Variants in OTOGL observed in about 807,000 individuals in gnomAD.
OTOGL encodes otogelin-like protein.
Under a neutral mutation model 318.5 loss-of-function variants are expected in OTOGL, and 285 were observed. That is an observed-to-expected ratio of 0.89 (90% CI 0.81 to 0.99). OTOGL has a LOEUF of 0.99. OTOGL is among the 50% of genes least tolerant of loss of function. OTOGL has a pLI of 0.00. For synonymous variants in OTOGL, 987 were observed against 936.5 expected, an observed-to-expected ratio of 1.05 and a Z score of -0.99; for missense variants, 2,899 against 2,845.6, an observed-to-expected ratio of 1.02 and a Z score of -0.43.
At chr12:80,147,989 TG>T (rs1872518546) in intron 1 of OTOGL, among the ~76,000 whole-genome samples, 1 of 152,316 alleles carries the variant, frequency 6.6e-6, no homozygotes, top group African/African-American at 2.4e-5. Context: ...AGCACACTGA[TG>T]GGTCTTGACT....
At chr12:80,257,749 C>CCT in intron 17 of OTOGL, 76 bp from the exon 18 acceptor site, 1 of 1,253,200 alleles carries the variant, frequency 8.0e-7, no homozygotes, top group Non-Finnish European at 1.1e-6. Flanking sequence ...GAAGAGAGTC[C>CCT]TGGTGGTGTA....
chr12:80,265,413 C>A, intron 20 of OTOGL: 1 of 609,132 alleles, frequency 1.6e-6, no homozygotes, highest in Non-Finnish European at 2.8e-6. Flanking sequence ...TAACTTTTGA[C>A]TAGTTTTGTA....
At chr12:80,153,561 C>A (rs1464732484) in intron 1 of OTOGL, among the ~76,000 whole-genome samples, 1 of 152,116 alleles carries the variant, frequency 6.6e-6, no homozygotes, top group African/African-American at 2.4e-5. Flanking sequence ...TCATAATCAC[C>A]CAAAGTCCAT....
At chr12:80,128,750 T>TC (rs1226550305) in intron 1 of OTOGL, among the ~76,000 whole-genome samples, 1 of 152,028 alleles carries the variant, frequency 6.6e-6, no homozygotes, top group Non-Finnish European at 1.5e-5. Context: ...CGGGCACCCG[T>TC]CCCCCAGCCT....
chr12:80,101,108 C>T (rs1375117510), intron 1 of OTOGL, among the ~76,000 whole-genome samples: 1 of 152,128 alleles, frequency 6.6e-6, no homozygotes, highest in East Asian at 1.9e-4. Flanking sequence ...AAAAAGTGAG[C>T]TTCTGTTGCT....
intron 29 of OTOGL, among the ~76,000 whole-genome samples, chr12:80,308,266 C>T (rs1286247874): frequency 6.6e-6 from 1 of 150,700 alleles, no homozygotes; most frequent in African/African-American, 2.4e-5. Flanking sequence ...GGCTGCCGGG[C>T]GGAGGGGCTC....
intron 38 of OTOGL, 49 bp downstream of exon 38, chr12:80,333,127 C>G: frequency 6.8e-7 from 1 of 1,477,496 alleles, no homozygotes; most frequent in Non-Finnish European, 9.3e-7. Context: ...CATATATCAT[C>G]CATTCAAATT....
chr12:80,177,391 C>T (rs190718284), intron 1 of OTOGL, among the ~76,000 whole-genome samples: 2 of 152,252 alleles, frequency 1.3e-5, no homozygotes, highest in Non-Finnish European at 2.9e-5. Context: ...ATTGAATTGC[C>T]TCAGCACCTT....
In OTOGL at chr12:80,368,189, A is replaced by G; in HGVS notation, c.6511-16A>G. On this transcript the variant is annotated splice_polypyrimidine_tract_variant and intron_variant, in intron 54 of 58. Coordinates refer to ENST00000547103, the MANE Select transcript of OTOGL (RefSeq NM_001378609.3). ...ATATTGATATGGTGTCGCTAATCTA[A>G]TATCATTATATGCAGCACCAGGTAT... 2 of 1,530,390 alleles carry G rather than the reference A, an allele frequency of 1.3e-6. No individual in the cohort carries two copies. Among genetic ancestry groups the G allele is most frequent in the African/African-American group, 2.7e-5 (2 of 73,178 alleles). 94.8% of individuals were successfully genotyped at this position (1,530,390 alleles called of 1,614,324 possible). A position where few individuals can be genotyped will look rare whatever the true frequency, so the allele number is the denominator to read the frequency against.
chr12:80,126,198 C>T (rs1231813505), intron 1 of OTOGL, among the ~76,000 whole-genome samples: 2 of 152,096 alleles, frequency 1.3e-5, no homozygotes, highest in Non-Finnish European at 2.9e-5. Context: ...TTTCCCTCTA[C>T]ACACTGCTTT....
At position 80,320,434 on chromosome 12, in the gene OTOGL, T is replaced by A. The variant is rs1000589773; in HGVS notation, c.3815T>A (p.Val1272Asp). 3.1e-6 allele frequency: 5 copies of A among 1,612,222 alleles called. No homozygotes were observed. The African/African-American group carries it at 6.7e-5, about 22-fold the overall frequency. Reference protein sequence around the residue: ...FKEKVSSLALVSLESAERPNY... With the variant: ...FKEKVSSLALDSLESAERPNY... ...CTATATTTTACAGCATTAGCACTTG[T>A]TTCCTTGGAATCTGCTGAAAGGCCA... Residue 1272 changes from valine to aspartate, a missense_variant, in exon 34 of 59, where the codon GTT (valine) becomes GAT (aspartate). Coordinates refer to ENST00000547103, the MANE Select transcript of OTOGL (RefSeq NM_001378609.3).
rs1424765292 is a variant in OTOGL at position 80,310,839 on chromosome 12, A to G, written c.3450+112A>G. Reference sequence around the variant, plus strand: ...GATCCACTGGCTTTTTAGATATACCACCTAACTATTGTTAGGGGGGCATAT... The same window carrying G: ...GATCCACTGGCTTTTTAGATATACCGCCTAACTATTGTTAGGGGGGCATAT... On this transcript the variant is annotated intron_variant, in intron 30 of 58. Transcript: ENST00000547103. 6.6e-6 allele frequency: 5 copies of G among 762,026 alleles called. No individual in the cohort carries two copies. The East Asian group carries it at 8.3e-5, about 13-fold the overall frequency. 47.2% of individuals were successfully genotyped at this position (762,026 alleles called of 1,614,324 possible).
At position 80,105,150 on chromosome 12, in the gene OTOGL, G is replaced by GA. The variant is rs200940002; in HGVS notation, c.-20+5554dup. 1.0e-3 allele frequency among the ~76,000 whole-genome samples: 153 copies of GA among 150,762 alleles called. 1 individual carries two copies. Among genetic ancestry groups the GA allele is most frequent in the Admixed American group, 3.0e-3 (46 of 15,096 alleles). On this transcript the variant is annotated intron_variant, in intron 1 of 58. Coordinates refer to ENST00000547103, the MANE Select transcript of OTOGL (RefSeq NM_001378609.3). ...AACTGAAATTAAGAAAGTATGCTGA[G>GA]AAAAAAAAACATGACTAAATTAGCA...
Position 80,270,111 on chromosome 12 carries a change from A to C in OTOGL, c.2475A>C (p.Ser825=). Residue 825 remains serine, a synonymous_variant, in exon 23 of 59, where the codon TCA becomes TCC. Coordinates refer to ENST00000547103, the MANE Select transcript of OTOGL (RefSeq NM_001378609.3). ...IPTPSGLCQC[S]NGTVKCDELA... ...ATTTATTTACTTCTAGCCAGTGTTC[A>C]AATGGGACTGTGAAATGTGATGAAT... is the stretch of plus-strand genomic sequence containing the variant. 6.2e-7 allele frequency: 1 copy of C among 1,602,298 alleles called. No homozygotes were observed. The highest frequency in any genetic ancestry group is 2.2e-5 in the East Asian group (1 of 44,788).
rs1370740302 is a variant in OTOGL at position 80,267,236 on chromosome 12, AC to A, written c.2391-16del. The A allele has an allele frequency of 6.8e-7, 1 of 1,471,316 alleles. No homozygotes were observed. Among genetic ancestry groups the A allele is most frequent in the Admixed American group, 2.0e-5 (1 of 49,796 alleles). The allele number at this position is 1,471,316 out of a possible 1,614,324, so 91.1% of individuals were successfully genotyped here. A position where few individuals can be genotyped will look rare whatever the true frequency, so the allele number is the denominator to read the frequency against. ...AAAAAAATTGTATCCTATTTACTTT[AC>A]TTTTTCTTCGTATAGATTCCACTGC... is the stretch of plus-strand genomic sequence containing the variant. On this transcript the variant is annotated splice_polypyrimidine_tract_variant and intron_variant, in intron 21 of 58. Transcript: ENST00000547103.
chr12:80,185,513 T>A (rs942403205), intron 1 of OTOGL, among the ~76,000 whole-genome samples: 4 of 152,166 alleles, frequency 2.6e-5, no homozygotes, highest in African/African-American at 9.6e-5. Context: ...GGTCTTGAAC[T>A]CCTGATCTCA....
chr12:80,107,076 C>T lies in OTOGL; in HGVS notation c.-20+7471C>T, dbSNP rs117945023. Among the ~76,000 whole-genome samples the T allele has an allele frequency of 6.4e-3, 976 of 152,170 alleles. 15 individuals are homozygous for T. The highest frequency in any genetic ancestry group is 6.8e-3 in the Middle Eastern group (2 of 294). ...CTGCCTGATATTGACTGGGCTTGCT[C>T]AGGTGTCTAGGATCAGCTGGCAAAT... is the stretch of plus-strand genomic sequence containing the variant. On this transcript the variant is annotated intron_variant, in intron 1 of 58. Coordinates refer to ENST00000547103, the MANE Select transcript of OTOGL (RefSeq NM_001378609.3).
rs371286240 is a variant in OTOGL, at chr12:80,371,993, A to T, written c.6736-26A>T. 7.6e-5 allele frequency: 111 copies of T among 1,466,792 alleles called. No individual in the cohort carries two copies. In the African/African-American group the frequency reaches 1.4e-3, roughly 18 times the overall value. The allele number at this position is 1,466,792 out of a possible 1,614,324, so 90.9% of individuals were successfully genotyped here. On this transcript the variant is annotated intron_variant, in intron 56 of 58. Coordinates refer to ENST00000547103, the MANE Select transcript of OTOGL (RefSeq NM_001378609.3). ...ACATGGAAGAACACCATATTCTTTGACTTTATTGCTTTTTTCTCTTTCTAG... is the reference window on the plus strand; with the variant it reads ...ACATGGAAGAACACCATATTCTTTGTCTTTATTGCTTTTTTCTCTTTCTAG...
At chr12:80,180,109 C>A (rs1874817933) in intron 1 of OTOGL, among the ~76,000 whole-genome samples, 1 of 152,008 alleles carries the variant, frequency 6.6e-6, no homozygotes, top group Non-Finnish European at 1.5e-5. Context: ...CTGCAGATTG[C>A]TACTTTCATA....
Sources: allele counts gnomAD v4.1 joint callset (sites outside exome capture counted in the v4.1 genomes callset), GRCh38; gene constraint gnomAD v4.1.1; transcripts MANE v1.5; gene names NCBI Gene and HGNC (gene_info 2026-07-23, HGNC 2026-07-21).